PIK3IP1: variants seen among roughly 807,000 people sequenced by gnomAD.
PIK3IP1 encodes phosphoinositide-3-kinase interacting protein 1, also known as phosphoinositide-3-kinase-interacting protein 1.
A neutral mutation model predicts 30.7 loss-of-function variants in PIK3IP1; 28 were observed. The ratio of observed to expected loss-of-function variants is 0.91; its 90% CI spans 0.68 to 1.25. PIK3IP1 has a LOEUF of 1.25. Ranked by LOEUF, PIK3IP1 falls within the 50% of genes most tolerant of loss-of-function variation. The probability of loss-of-function intolerance (pLI) is 0.00; values close to 1 mark genes in which losing one functional copy is unlikely to be tolerated. For missense variants in PIK3IP1, 333 were observed against 346.2 expected (o/e 0.96, Z 0.30); for synonymous variants, 159 against 140.8 (o/e 1.13, Z -0.91).
At position 31,292,406 on chromosome 22, in the gene PIK3IP1, G is replaced by C. The variant is rs548292086; in HGVS notation, c.-62C>G. The C allele has an allele frequency of 6.7e-7, 1 of 1,499,466 alleles. No individual in the cohort carries two copies. Among genetic ancestry groups the C allele is most frequent in the East Asian group, 2.3e-5 (1 of 44,252 alleles). 92.9% of individuals were successfully genotyped at this position (1,499,466 alleles called of 1,614,324 possible). On this transcript the variant is annotated 5_prime_UTR_variant, in exon 1 of 6. Transcript: ENST00000215912. ...AGTGTTTAACCGAGGCCCCCTTGGC[G>C]GCGGCTCTGCCTCCCAGTCCCAGCC...
intron 1 of PIK3IP1, among the ~76,000 whole-genome samples, 173 bp from the exon 2 acceptor site, chr22:31,291,469 ACCCC>A (rs10558009): frequency 5.7e-4 from 60 of 104,758 alleles, no homozygotes; most frequent in African/African-American, 1.5e-3. Flanking sequence ...CGCCCCACGC[ACCCC>A]CCCCCCCCAA....
Position 31,291,179 on chromosome 22 carries a change from C to T in PIK3IP1, c.187+1G>A. 1 of 1,545,954 alleles carries T rather than the reference C, an allele frequency of 6.5e-7. No homozygotes were observed. Among genetic ancestry groups the T allele is most frequent in the African/African-American group, 1.4e-5 (1 of 72,394 alleles). Reference sequence around the variant, plus strand: ...GGGGCCGTCCCCCGGAGGACACTTACCCGACACGGGGGCCGAGGCCAGCCC... The same window carrying T: ...GGGGCCGTCCCCCGGAGGACACTTATCCGACACGGGGGCCGAGGCCAGCCC... On this transcript the variant is annotated splice_donor_variant, in intron 2 of 5. Transcript: ENST00000215912. LOFTEE classifies it high-confidence loss of function.
intron 5 of PIK3IP1, among the ~76,000 whole-genome samples, chr22:31,284,032 G>A (rs931401751): frequency 8.5e-5 from 13 of 152,054 alleles, no homozygotes; most frequent in Non-Finnish European, 1.8e-4. Context: ...AGCCTCCCAA[G>A]TAGCCAGGAT....
intron 5 of PIK3IP1, among the ~76,000 whole-genome samples, chr22:31,288,644 C>T (rs1224479724): frequency 6.6e-6 from 1 of 152,252 alleles, no homozygotes; most frequent in African/African-American, 2.4e-5. Flanking sequence ...CACTGACGGA[C>T]ATCTCGTGGG....
intron 5 of PIK3IP1, among the ~76,000 whole-genome samples, chr22:31,284,512 C>G (rs994112488): frequency 4.6e-5 from 7 of 152,208 alleles, no homozygotes; most frequent in African/African-American, 7.2e-5. Flanking sequence ...CCTAGAGATG[C>G]AGTGGCTGCT....
chr22:31,283,356 T>C, intron 5 of PIK3IP1, 68 bp from the exon 6 acceptor site: 1 of 1,525,214 alleles, frequency 6.6e-7, no homozygotes, highest in South Asian at 1.2e-5. Context: ...TTAGATAGCA[T>C]CCCTGAGGCT....
Position 31,291,292 on chromosome 22 carries a change from A to C in PIK3IP1, c.75T>G (p.Cys25Trp). ...LLAEAYGSGG[C>W]FWDNGHLYRE... ...GGTACAGGTGGCCGTTGTCCCAGAA[A>C]CAGCCTGTGAGGAAAAGAAGCCCCC... The change falls in exon 2 of 6, where the codon TGT becomes TGG. Residue 25 changes from cysteine (C) to tryptophan (W), a missense_variant. This residue lies in a region of PIK3IP1 where 111 missense variants were observed against 100.1 expected (regional missense o/e 1.11). Coordinates refer to ENST00000215912, the MANE Select transcript of PIK3IP1 (RefSeq NM_052880.5). The C allele has an allele frequency of 6.4e-7, 1 of 1,556,860 alleles. No individual in the cohort carries two copies.
intron 5 of PIK3IP1, 98 bp from the exon 6 acceptor site, chr22:31,283,386 C>T: frequency 2.3e-6 from 3 of 1,299,596 alleles, no homozygotes; most frequent in Admixed American, 2.0e-5. Flanking sequence ...CAGCAGCTTG[C>T]CATTGTCACA....
chr22:31,290,834 C>T (rs946003376), intron 3 of PIK3IP1, 131 bp downstream of exon 3: 2 of 1,336,010 alleles, frequency 1.5e-6, no homozygotes, highest in African/African-American at 1.6e-5. Context: ...TGGAGACAGC[C>T]CTGGCCAATC....
chr22:31,289,889 G>A (rs2049160593), intron 3 of PIK3IP1, 190 bp from the exon 4 acceptor site: 1 of 549,540 alleles, frequency 1.8e-6, no homozygotes, highest in Non-Finnish European at 3.2e-6. Flanking sequence ...TCAGGGACAA[G>A]GCAAATGAGA....
In PIK3IP1 at chr22:31,289,325, A is replaced by T; in HGVS notation, c.577T>A (p.Ser193Thr). 6.2e-7 allele frequency: 1 copy of T among 1,614,172 alleles called. No homozygotes were observed. Among genetic ancestry groups the T allele is most frequent in the South Asian group, 1.1e-5 (1 of 91,076 alleles). The change falls in exon 5 of 6, where the codon TCC (serine) becomes ACC (threonine). Residue 193 changes from serine to threonine, a missense_variant. Physicochemically the swap from Ser to Thr is moderately conservative, Grantham distance 58 (BLOSUM62 1). Transcript: ENST00000215912. ...AGAGAAGCTACTGACCTCTTGTAGG[A>T]GTAGCCCAAGATGATGCCAGCTCCG... The part of the protein sequence containing the change: ...AIGAGIILGY[S>T]YKRGKDLKEQ...
chr22:31,290,866 G>GGGCC, intron 3 of PIK3IP1, 99 bp downstream of exon 3: 1 of 1,421,648 alleles, frequency 7.0e-7, no homozygotes, highest in South Asian at 1.5e-5. Flanking sequence ...AGGCGGAGCG[G>GGGCC]GGCCGGCCGG....
intron 5 of PIK3IP1, among the ~76,000 whole-genome samples, chr22:31,284,840 C>T (rs1359277533): frequency 6.6e-6 from 1 of 152,100 alleles, no homozygotes; most frequent in Non-Finnish European, 1.5e-5. Flanking sequence ...AGGACAAAGA[C>T]CCGGCCAGGC....
At chr22:31,287,149 C>G (rs2049137579) in intron 5 of PIK3IP1, among the ~76,000 whole-genome samples, 1 of 147,460 alleles carries the variant, frequency 6.8e-6, no homozygotes, top group South Asian at 2.2e-4. Flanking sequence ...TCCTTAGTAA[C>G]TAGGACTACA....
intron 5 of PIK3IP1, 103 bp from the exon 6 acceptor site, chr22:31,283,391 G>A: frequency 1.6e-6 from 2 of 1,256,664 alleles, no homozygotes; most frequent in Non-Finnish European, 2.2e-6. Context: ...GCTTGCCATT[G>A]TCACAACAAA....
At chr22:31,289,778 G>T in intron 3 of PIK3IP1, 79 bp from the exon 4 acceptor site, 1 of 1,457,284 alleles carries the variant, frequency 6.9e-7, no homozygotes, top group Non-Finnish European at 9.3e-7. Flanking sequence ...CTGAGTGTTA[G>T]GGTAGATGAA....
chr22:31,290,792 G>A (rs1601463026), intron 3 of PIK3IP1, 173 bp downstream of exon 3: 2 of 947,572 alleles, frequency 2.1e-6, no homozygotes, highest in South Asian at 2.1e-5. Context: ...ACGAGTGGCG[G>A]CGGCGGCCAA....
intron 3 of PIK3IP1, 192 bp from the exon 4 acceptor site, chr22:31,289,891 CAAATGAGA>C (rs1055359562): frequency 1.1e-4 from 62 of 546,802 alleles, no homozygotes; most frequent in African/African-American, 9.1e-4. Context: ...AGGGACAAGG[CAAATGAGA>C]GAGGAAGGCC....
At position 31,282,640 on chromosome 22, in the gene PIK3IP1, T is replaced by C. The variant is rs894371252; in HGVS notation, c.*444A>G. The C allele has an allele frequency of 3.8e-5, 6 of 158,164 alleles. No individual in the cohort carries two copies. Among genetic ancestry groups the C allele is most frequent in the Admixed American group, 2.5e-4 (4 of 16,278 alleles). 9.8% of individuals were successfully genotyped at this position (158,164 alleles called of 1,614,324 possible). On this transcript the variant is annotated 3_prime_UTR_variant, in exon 6 of 6. Coordinates refer to ENST00000215912, the MANE Select transcript of PIK3IP1 (RefSeq NM_052880.5). ...CCAAATATTTTAAAAACTAAATATA[T>C]TTTTTCAATGCCATCCCTTGACCTG... is the stretch of plus-strand genomic sequence containing the variant.
Sources: allele counts gnomAD v4.1 joint callset (sites outside exome capture counted in the v4.1 genomes callset), GRCh38; gene constraint gnomAD v4.1.1; regional missense constraint gnomAD v4.1.1; transcripts MANE v1.5; gene names NCBI Gene and HGNC (gene_info 2026-07-23, HGNC 2026-07-21).